KHDRBS2: variants seen among roughly 807,000 people sequenced by gnomAD.
The protein encoded by KHDRBS2 is KH RNA binding domain containing, signal transduction associated 2.
Under a neutral mutation model 44.3 loss-of-function variants are expected in KHDRBS2, and 26 were observed. The observed-to-expected ratio is 0.59, with a 90% CI of 0.43 to 0.81. The LOEUF (loss-of-function observed/expected upper bound fraction) is 0.81, where lower values mean the gene tolerates loss of function less well. KHDRBS2 is among the 40% of genes least tolerant of loss of function. The pLI, the probability that KHDRBS2 is intolerant of heterozygous loss-of-function variation, is 0.00. For synonymous variants in KHDRBS2, 194 were observed against 151.1 expected (o/e 1.28, Z -2.08); for missense variants, 476 against 433.1 (o/e 1.10, Z -0.88).
At chr6:61,762,995 C>T (rs1439336300) in intron 6 of KHDRBS2, among the ~76,000 whole-genome samples, 2 of 152,200 alleles carry the variant, frequency 1.3e-5, no homozygotes, top group African/African-American at 4.8e-5. Context: ...TTTACTTTCA[C>T]TTCCTCACTC....
At chr6:62,188,998 C>T (rs559561505) in intron 1 of KHDRBS2, among the ~76,000 whole-genome samples, 8 of 151,990 alleles carry the variant, frequency 5.3e-5, no homozygotes, top group Non-Finnish European at 1.0e-4. Context: ...GCCTGTAATC[C>T]CATCTACTCA....
At chr6:61,598,608 G>A in the KHDRBS2 span, among the ~76,000 whole-genome samples, 5 of 152,090 alleles carry the variant, frequency 3.3e-5, no homozygotes, top group Admixed American at 2.6e-4. Context: ...AAATAGTCAA[G>A]AGTTATACAA....
chr6:62,030,009 A>G (rs1784057391), intron 3 of KHDRBS2, among the ~76,000 whole-genome samples: 1 of 152,070 alleles, frequency 6.6e-6, no homozygotes, highest in Non-Finnish European at 1.5e-5. Flanking sequence ...AGTTCCAACA[A>G]AAGACATGCA....
At chr6:62,251,981 G>C (rs2150175299) in intron 1 of KHDRBS2, among the ~76,000 whole-genome samples, 1 of 151,698 alleles carries the variant, frequency 6.6e-6, no homozygotes, top group East Asian at 1.9e-4. Context: ...CCTCAAAGTG[G>C]GGCATTTGTG....
intron 1 of KHDRBS2, among the ~76,000 whole-genome samples, chr6:62,200,274 A>C (rs1826658108): frequency 6.6e-6 from 1 of 152,218 alleles, no homozygotes; most frequent in Admixed American, 6.5e-5. Context: ...ACAGCAAAAG[A>C]AACTACCATC....
intron 8 of KHDRBS2, among the ~76,000 whole-genome samples, chr6:61,682,057 TA>T (rs1205298403): frequency 4.0e-5 from 6 of 151,734 alleles, no homozygotes; most frequent in Admixed American, 1.3e-4. Flanking sequence ...AATTGATATA[TA>T]AAAAAATGGA....
chr6:61,698,732 C>A (rs1429463527), intron 7 of KHDRBS2, among the ~76,000 whole-genome samples: 2 of 152,088 alleles, frequency 1.3e-5, no homozygotes, highest in Non-Finnish European at 2.9e-5. Flanking sequence ...CTTGCTCACT[C>A]ACCCTACTCA....
chr6:62,052,586 C>T (rs1402046493), intron 2 of KHDRBS2, among the ~76,000 whole-genome samples: 3 of 55,802 alleles, frequency 5.4e-5, no homozygotes, highest in African/African-American at 2.0e-4. Context: ...GCGTGGAAGA[C>T]AATTTTTCCA....
At chr6:62,165,284 C>G (rs995675512) in intron 2 of KHDRBS2, among the ~76,000 whole-genome samples, 10 of 145,870 alleles carry the variant, frequency 6.9e-5, no homozygotes, top group African/African-American at 2.5e-4. Context: ...TTCATTGGCG[C>G]TTAATTTTAA....
intron 1 of KHDRBS2, among the ~76,000 whole-genome samples, chr6:62,221,850 AC>A (rs760838606): frequency 1.2e-3 from 184 of 152,260 alleles, no homozygotes; most frequent in Non-Finnish European, 2.2e-3. Flanking sequence ...ATATAAGCAC[AC>A]CCTGAGAATT....
chr6:61,848,170 A>G (rs927009201), intron 6 of KHDRBS2, among the ~76,000 whole-genome samples: 1 of 151,934 alleles, frequency 6.6e-6, no homozygotes, highest in South Asian at 2.1e-4. Context: ...TCAAGGCAAG[A>G]TAGTATTTTG....
chr6:62,071,549 T>G (rs1319804030), intron 2 of KHDRBS2, among the ~76,000 whole-genome samples: 1 of 152,210 alleles, frequency 6.6e-6, no homozygotes, highest in African/African-American at 2.4e-5. Context: ...AGTTTCAGCT[T>G]TCCACATATG....
At chr6:61,987,761 A>T (rs1054354741) in intron 3 of KHDRBS2, among the ~76,000 whole-genome samples, 1 of 152,200 alleles carries the variant, frequency 6.6e-6, no homozygotes, top group Non-Finnish European at 1.5e-5. Context: ...ATGGATGCAT[A>T]TAAGTGCATG....
the KHDRBS2 span, among the ~76,000 whole-genome samples, chr6:61,568,142 T>A: frequency 6.6e-6 from 1 of 152,182 alleles, no homozygotes; most frequent in Non-Finnish European, 1.5e-5. Context: ...CAAATATCAG[T>A]TGGCTGTATA....
At chr6:62,050,266 G>A (rs976225261) in intron 2 of KHDRBS2, among the ~76,000 whole-genome samples, 1 of 151,938 alleles carries the variant, frequency 6.6e-6, no homozygotes, top group African/African-American at 2.4e-5. Context: ...ACGCAGGGAG[G>A]GGAACATCAC....
chr6:61,612,891 C>A, the KHDRBS2 span, among the ~76,000 whole-genome samples: 40 of 120,592 alleles, frequency 3.3e-4, no homozygotes, highest in Middle Eastern at 7.6e-3. Context: ...CTTGCTCTGT[C>A]GCCCAGGCTG....
intron 5 of KHDRBS2, 109 bp from the exon 6 acceptor site, chr6:61,894,942 T>TC: frequency 1.5e-6 from 1 of 667,252 alleles, no homozygotes; most frequent in Non-Finnish European, 2.6e-6. Context: ...TAAATACAAA[T>TC]TTCTCTCTCT....
At chr6:61,877,213 G>A (rs72880698) in intron 6 of KHDRBS2, among the ~76,000 whole-genome samples, 11 of 151,980 alleles carry the variant, frequency 7.2e-5, no homozygotes, top group African/African-American at 1.7e-4. Context: ...TCTCACATAC[G>A]CTCTAAATTT....
At chr6:62,096,035 A>G (rs1047695063) in intron 2 of KHDRBS2, among the ~76,000 whole-genome samples, 1 of 151,912 alleles carries the variant, frequency 6.6e-6, no homozygotes, top group African/African-American at 2.4e-5. Context: ...TGATTTGCGT[A>G]TATTGAACCA....
Sources: gnomAD v4.1 joint callset for allele counts (sites outside exome capture counted in the v4.1 genomes callset) on GRCh38, gnomAD v4.1.1 for gene constraint, MANE v1.5 for transcripts, NCBI Gene and HGNC (gene_info 2026-07-23, HGNC 2026-07-21) for gene names.